Variants in B3GALT1 observed in about 807,000 individuals in gnomAD.
B3GALT1 encodes the protein beta-1,3-galactosyltransferase 1.
B3GALT1 carries 10 observed loss-of-function variants against 23.2 expected under a neutral mutation model. The ratio of observed to expected loss-of-function variants is 0.43; its 90% CI spans 0.27 to 0.73. The LOEUF is 0.73. B3GALT1 is among the 30% of genes least tolerant of loss of function. The pLI is 0.21. For missense variants in B3GALT1, 299 were observed against 405.4 expected, an observed-to-expected ratio of 0.74 and a Z score of 2.25; for synonymous variants, 156 against 141.5, an observed-to-expected ratio of 1.10 and a Z score of -0.73.
chr2:167,840,987 G>C (rs1289400447), intron 4 of B3GALT1, among the ~76,000 whole-genome samples: 1 of 136,388 alleles, frequency 7.3e-6, no homozygotes, highest in Non-Finnish European at 1.5e-5. Context: ...AGAACACATG[G>C]ACACAGGAAT....
chr2:167,747,763 A>G (rs1687674153), intron 3 of B3GALT1, among the ~76,000 whole-genome samples: 1 of 152,330 alleles, frequency 6.6e-6, no homozygotes, highest in Non-Finnish European at 1.5e-5. Flanking sequence ...GGAAGTACCT[A>G]CAGAAATTAA....
intron 1 of B3GALT1, among the ~76,000 whole-genome samples, chr2:167,449,797 C>T (rs185087113): frequency 6.2e-4 from 95 of 152,140 alleles, no homozygotes; most frequent in African/African-American, 2.3e-3. Context: ...GGGTTTTATT[C>T]GTAGAGGAAT....
chr2:167,315,226 A>G (rs985101471), intron 1 of B3GALT1, among the ~76,000 whole-genome samples: 2 of 152,180 alleles, frequency 1.3e-5, no homozygotes, highest in African/African-American at 2.4e-5. Flanking sequence ...CCTGTTTAAT[A>G]TTGTGGTAAG....
At chr2:167,606,526 C>T (rs954166746) in intron 2 of B3GALT1, among the ~76,000 whole-genome samples, 1 of 152,120 alleles carries the variant, frequency 6.6e-6, no homozygotes, top group Non-Finnish European at 1.5e-5. Flanking sequence ...ATATAAACAG[C>T]TGGTTGAATG....
At chr2:167,754,641 A>G (rs1377068928) in intron 3 of B3GALT1, among the ~76,000 whole-genome samples, 3 of 152,120 alleles carry the variant, frequency 2.0e-5, no homozygotes, top group East Asian at 3.9e-4. Context: ...AAAAGAATAT[A>G]TATAGCCAGG....
chr2:167,757,195 T>C (rs1249346767), intron 3 of B3GALT1, among the ~76,000 whole-genome samples: 1 of 152,080 alleles, frequency 6.6e-6, no homozygotes, highest in East Asian at 1.9e-4. Context: ...AGTTATTAGG[T>C]TGAAGGAAAT....
intron 1 of B3GALT1, among the ~76,000 whole-genome samples, chr2:167,298,009 T>C (rs1007123499): frequency 2.0e-5 from 3 of 152,168 alleles, no homozygotes; most frequent in Non-Finnish European, 2.9e-5. Flanking sequence ...TCAGCACTCA[T>C]TTAAGCCTTT....
intron 2 of B3GALT1, among the ~76,000 whole-genome samples, chr2:167,547,184 C>T (rs1207632763): frequency 6.6e-6 from 1 of 152,168 alleles, no homozygotes. Flanking sequence ...ACTACTAAAA[C>T]CTTCCACCAT....
At chr2:167,699,071 A>G (rs971318900) in intron 3 of B3GALT1, among the ~76,000 whole-genome samples, 6 of 152,212 alleles carry the variant, frequency 3.9e-5, no homozygotes, top group African/African-American at 1.4e-4. Flanking sequence ...TTCAATATCT[A>G]AAGAACCCAT....
At chr2:167,660,189 G>A (rs935638) in intron 3 of B3GALT1, among the ~76,000 whole-genome samples, 85,957 of 151,872 alleles carry the variant, frequency 0.57, 27,498 homozygotes, top group Middle Eastern at 0.7. Flanking sequence ...ATTGAGAGCT[G>A]TATCTTTTCA....
At chr2:167,391,834 C>T (rs1698017963) in intron 1 of B3GALT1, among the ~76,000 whole-genome samples, 1 of 152,152 alleles carries the variant, frequency 6.6e-6, no homozygotes, top group Non-Finnish European at 1.5e-5. Flanking sequence ...TCTATCTCTA[C>T]TACCTAAAGC....
At chr2:167,334,994 C>G (rs1192865543) in intron 1 of B3GALT1, among the ~76,000 whole-genome samples, 1 of 152,130 alleles carries the variant, frequency 6.6e-6, no homozygotes, top group Non-Finnish European at 1.5e-5. Flanking sequence ...TGAAGCTGTA[C>G]TACTATTACT....
At chr2:167,696,668 C>T (rs755950459) in intron 3 of B3GALT1, among the ~76,000 whole-genome samples, 3 of 152,012 alleles carry the variant, frequency 2.0e-5, no homozygotes, top group African/African-American at 4.8e-5. Flanking sequence ...AAATTATATC[C>T]GAACAGAAGT....
chr2:167,505,723 G>GA (rs1699908162), intron 2 of B3GALT1, among the ~76,000 whole-genome samples: 1 of 151,902 alleles, frequency 6.6e-6, no homozygotes, highest in Non-Finnish European at 1.5e-5. Context: ...ATACAACTGG[G>GA]AAAAAAATCT....
At chr2:167,566,675 A>G (rs1243169464) in intron 2 of B3GALT1, among the ~76,000 whole-genome samples, 3 of 152,132 alleles carry the variant, frequency 2.0e-5, no homozygotes, top group African/African-American at 7.2e-5. Flanking sequence ...CAATGTTGTA[A>G]CTAGCACCCA....
intron 1 of B3GALT1, among the ~76,000 whole-genome samples, chr2:167,436,955 C>T (rs1698794996): frequency 6.6e-6 from 1 of 152,116 alleles, no homozygotes; most frequent in Admixed American, 6.6e-5. Context: ...ATATGTTTCC[C>T]AAGGTGAAAA....
At chr2:167,733,795 C>T (rs1687449154) in intron 3 of B3GALT1, among the ~76,000 whole-genome samples, 1 of 152,148 alleles carries the variant, frequency 6.6e-6, no homozygotes, top group Non-Finnish European at 1.5e-5. Context: ...CAGGTTTCCA[C>T]AGATGAGGCT....
intron 1 of B3GALT1, among the ~76,000 whole-genome samples, chr2:167,453,044 A>G (rs1022535842): frequency 6.6e-6 from 1 of 152,196 alleles, no homozygotes; most frequent in South Asian, 2.1e-4. Flanking sequence ...AGTAAAGTAT[A>G]TATCTTTGTT....
intron 2 of B3GALT1, among the ~76,000 whole-genome samples, chr2:167,593,602 C>T (rs543854697): frequency 6.6e-6 from 1 of 152,164 alleles, no homozygotes; most frequent in African/African-American, 2.4e-5. Context: ...GTTATGTGTG[C>T]TTATGAAATT....
Sources: gnomAD v4.1 joint callset for allele counts (sites outside exome capture counted in the v4.1 genomes callset) on GRCh38, gnomAD v4.1.1 for gene constraint, MANE v1.5 for transcripts, NCBI Gene and HGNC (gene_info 2026-07-23, HGNC 2026-07-21) for gene names.